Variants in GRIP1 observed in about 807,000 individuals in gnomAD.
GRIP1 encodes the protein glutamate receptor interacting protein 1.
Under a neutral mutation model 129.9 loss-of-function variants are expected in GRIP1, and 45 were observed. The ratio of observed to expected loss-of-function variants is 0.35; its 90% CI spans 0.27 to 0.44. The LOEUF (loss-of-function observed/expected upper bound fraction) is 0.44. Ranked by LOEUF, GRIP1 falls within the 20% of genes least tolerant of loss-of-function variation. The pLI is 1.00. For synonymous variants in GRIP1, 530 were observed against 520.8 expected (o/e 1.02, Z -0.24); for missense variants, 1,196 against 1,396.8 (o/e 0.86, Z 2.29).
chr12:67,012,375 C>A (rs1477412573), intron 1 of GRIP1, among the ~76,000 whole-genome samples: 2 of 151,944 alleles, frequency 1.3e-5, no homozygotes, highest in Non-Finnish European at 2.9e-5. Context: ...CAGTGGGATC[C>A]CTGGGTTATC....
At chr12:66,785,271 C>G (rs1389579018) in intron 1 of GRIP1, among the ~76,000 whole-genome samples, 3 of 147,014 alleles carry the variant, frequency 2.0e-5, no homozygotes, top group African/African-American at 7.6e-5. Context: ...CCAGCCTGGG[C>G]AACATGGTGA....
intron 1 of GRIP1, among the ~76,000 whole-genome samples, chr12:67,052,604 A>G (rs1011111637): frequency 1.3e-5 from 2 of 152,082 alleles, no homozygotes; most frequent in Admixed American, 6.5e-5. Context: ...CTAAAAATAC[A>G]AAAAAATTAG....
At chr12:66,655,805 G>T (rs898039222) in intron 1 of GRIP1, among the ~76,000 whole-genome samples, 1 of 151,910 alleles carries the variant, frequency 6.6e-6, no homozygotes, top group Non-Finnish European at 1.5e-5. Flanking sequence ...TAGAGACGGG[G>T]TTTCACCGTG....
intron 1 of GRIP1, among the ~76,000 whole-genome samples, chr12:66,663,157 C>T (rs528629897): frequency 1.3e-5 from 2 of 152,088 alleles, no homozygotes; most frequent in South Asian, 4.1e-4. Flanking sequence ...GACTATCATT[C>T]TTTATGTCAT....
intron 1 of GRIP1, among the ~76,000 whole-genome samples, chr12:66,990,627 C>G (rs139220422): frequency 5.9e-4 from 90 of 152,350 alleles, no homozygotes; most frequent in African/African-American, 2.0e-3. Flanking sequence ...ATACACATAT[C>G]TGTTCTTCTC....
At chr12:66,989,052 T>C (rs1287684917) in intron 1 of GRIP1, among the ~76,000 whole-genome samples, 1 of 152,160 alleles carries the variant, frequency 6.6e-6, no homozygotes, top group Non-Finnish European at 1.5e-5. Context: ...AACAGTCCCC[T>C]AAGAAAGATA....
chr12:66,633,201 ATATATATGTGTGTG>A (rs1245979241), intron 1 of GRIP1, among the ~76,000 whole-genome samples: 5 of 147,698 alleles, frequency 3.4e-5, no homozygotes, highest in Admixed American at 6.8e-5. Context: ...GTATGTGTAT[ATATATATGTGTGTG>A]TATATATATA....
rs80344207 is a variant in GRIP1, at chr12:66,869,177, C to A, written c.58+199873G>T. 2.9e-3 allele frequency among the ~76,000 whole-genome samples: 445 copies of A among 151,992 alleles called. 1 individual carries two copies. Among genetic ancestry groups the A allele is most frequent in the African/African-American group, 0.01 (424 of 41,450 alleles). On this transcript the variant is annotated intron_variant, in intron 1 of 1. Transcript: ENST00000643019. Reference sequence around the variant, plus strand: ...CTATTCATCTAGTATTCCCTGACAGCCTGGCACACTGACCTGTACTTAATA... The same window carrying A: ...CTATTCATCTAGTATTCCCTGACAGACTGGCACACTGACCTGTACTTAATA...
chr12:66,829,178 A>G (rs570242515), intron 1 of GRIP1, among the ~76,000 whole-genome samples: 1 of 152,330 alleles, frequency 6.6e-6, no homozygotes, highest in South Asian at 2.1e-4. Flanking sequence ...TAGACCCTAA[A>G]TGCAATCACA....
chr12:66,912,943 T>C (rs1164423409), intron 1 of GRIP1, among the ~76,000 whole-genome samples: 1 of 152,138 alleles, frequency 6.6e-6, no homozygotes, highest in African/African-American at 2.4e-5. Context: ...AAAAAACCCA[T>C]AATGCAGGTA....
intron 20 of GRIP1, 69 bp downstream of exon 20, chr12:66,379,211 G>A (rs769219683): frequency 3.5e-6 from 5 of 1,439,278 alleles, no homozygotes; most frequent in Non-Finnish European, 4.9e-6. Context: ...TGGAAGTACA[G>A]AAGTTCAAAT....
Position 66,462,994 on chromosome 12 carries a change from G to A in GRIP1, c.972C>T (p.Thr324=). ...LAEATQFLAN[T]TDQVKLEILP... is the part of the protein sequence containing the mutation. ...GGATCTCAAGCTTGACCTGGTCAGT[G>A]GTGTTGGCCAGGAACTGGGTTGCTT... Residue 324 remains threonine, a synonymous_variant, in exon 9 of 25, where the codon ACC becomes ACT. Transcript: ENST00000359742. 6.2e-7 allele frequency: 1 copy of A among 1,613,932 alleles called. No individual in the cohort carries two copies. The highest frequency in any genetic ancestry group is 8.5e-7 in the Non-Finnish European group (1 of 1,179,872).
intron 1 of GRIP1, among the ~76,000 whole-genome samples, chr12:66,666,466 A>C (rs1448319616): frequency 6.6e-6 from 1 of 151,968 alleles, no homozygotes; most frequent in African/African-American, 2.4e-5. Context: ...ACAAAAGAAA[A>C]ATTATATCTT....
At chr12:66,531,250 AAAATATATATATATATATAT>A (rs1247091158) in intron 4 of GRIP1, among the ~76,000 whole-genome samples, 3 of 35,122 alleles carry the variant, frequency 8.5e-5, no homozygotes, top group Admixed American at 2.8e-4. Flanking sequence ...AAAAAAAAAA[AAAATATATATATATATATAT>A]ATATATATAT....
At chr12:66,782,199 T>C (rs1211042225) in intron 1 of GRIP1, among the ~76,000 whole-genome samples, 1 of 152,150 alleles carries the variant, frequency 6.6e-6, no homozygotes, top group Non-Finnish European at 1.5e-5. Context: ...ATATAAATGT[T>C]ACACTTCAAT....
chr12:66,877,866 T>C (rs2040408574), intron 1 of GRIP1, among the ~76,000 whole-genome samples: 1 of 151,912 alleles, frequency 6.6e-6, no homozygotes, highest in Non-Finnish European at 1.5e-5. Context: ...ACAGAAACAA[T>C]GGATGGAAAA....
intron 1 of GRIP1, among the ~76,000 whole-genome samples, chr12:66,923,969 C>T (rs548639195): frequency 4.9e-4 from 74 of 152,144 alleles, no homozygotes; most frequent in Non-Finnish European, 1.0e-3. Flanking sequence ...CTCAGCCTCC[C>T]GAGTAGCTGG....
intron 20 of GRIP1, among the ~76,000 whole-genome samples, chr12:66,378,424 C>G (rs1275633770): frequency 6.7e-6 from 1 of 150,142 alleles, no homozygotes; most frequent in Non-Finnish European, 1.5e-5. Flanking sequence ...TGCACTCCAG[C>G]CTGGGTGACA....
chr12:66,585,746 A>G (rs1274053238), intron 2 of GRIP1, among the ~76,000 whole-genome samples: 16 of 142,608 alleles, frequency 1.1e-4, no homozygotes, highest in African/African-American at 2.6e-4. Context: ...CTATTTCTCC[A>G]CATCCTCTCC....
Sources: allele counts gnomAD v4.1 joint callset (sites outside exome capture counted in the v4.1 genomes callset), GRCh38; gene constraint gnomAD v4.1.1; transcripts MANE v1.5; gene names NCBI Gene and HGNC (gene_info 2026-07-23, HGNC 2026-07-21).